DISC1: variants seen among roughly 807,000 people sequenced by gnomAD.
DISC1 encodes the protein disrupted in schizophrenia 1 protein.
A neutral mutation model predicts 84.5 loss-of-function variants in DISC1; 57 were observed. The ratio of observed to expected loss-of-function variants is 0.67; its 90% CI spans 0.55 to 0.84. The LOEUF is 0.84. Among genes scored for constraint, DISC1 ranks in the 40% least tolerant of loss-of-function variants. The pLI is 0.00. For synonymous variants in DISC1, 411 were observed against 415.2 expected, an observed-to-expected ratio of 0.99 and a Z score of 0.12; for missense variants, 1,000 against 1,057.8, an observed-to-expected ratio of 0.95 and a Z score of 0.76.
intron 1 of DISC1, among the ~76,000 whole-genome samples, chr1:231,691,800 C>G (rs1478142705): frequency 6.6e-6 from 1 of 152,188 alleles, no homozygotes; most frequent in Non-Finnish European, 1.5e-5. Context: ...CTGAGGGCCT[C>G]TCTCTGCCCC....
In DISC1 at chr1:231,833,897, T is replaced by A. The variant is rs571988579; in HGVS notation, c.1981+15380T>A. On this transcript the variant is annotated intron_variant, in intron 9 of 12. Coordinates refer to ENST00000439617, the MANE Select transcript of DISC1 (RefSeq NM_018662.3). The stretch of plus-strand genomic sequence containing the variant: ...GTGGGGTTTGAGGGCTGGAATTTAA[T>A]TTTTGGAGTTTTATTTAATGTCCAG... 1.8e-4 allele frequency among the ~76,000 whole-genome samples: 27 copies of A among 152,318 alleles called. No homozygotes were observed. The South Asian group carries it at 5.6e-3, about 32-fold the overall frequency.
intron 10 of DISC1, among the ~76,000 whole-genome samples, chr1:231,997,381 T>C (rs942822160): frequency 1.3e-5 from 2 of 152,188 alleles, no homozygotes; most frequent in African/African-American, 4.8e-5. Flanking sequence ...CAGAGCAATG[T>C]TGATGGATCT....
intron 6 of DISC1, among the ~76,000 whole-genome samples, chr1:231,789,669 C>A (rs573884320): frequency 6.6e-6 from 1 of 152,290 alleles, no homozygotes; most frequent in South Asian, 2.1e-4. Flanking sequence ...GCCTGGCTGT[C>A]TCCTCCTGTA....
Position 231,818,413 on chromosome 1 carries a change from G to A in DISC1, c.1877G>A (p.Ser626Asn), listed in dbSNP as rs774002534. The A allele has an allele frequency of 2.5e-6, 4 of 1,614,182 alleles. No individual in the cohort carries two copies. In the Admixed American group the frequency reaches 5.0e-5, roughly 20 times the overall value. The change falls in exon 9 of 13, where the codon AGC (serine) becomes AAC (asparagine). Residue 626 changes from serine (S) to asparagine (N), a missense_variant. Around this residue, in one of 3 missense-constraint regions of DISC1, gnomAD observed 397 missense variants for 377.5 expected, o/e 1.05. Coordinates refer to ENST00000439617, the MANE Select transcript of DISC1 (RefSeq NM_018662.3). ...AGAGAAGGGCTGGAGGGACTCCTCA[G>A]CAAGCTGTTGGTGTTGAGTTCCAGG... is the stretch of plus-strand genomic sequence containing the variant. ...SEREGLEGLL[S>N]KLLVLSSRNV...
At position 231,722,932 on chromosome 1, in the gene DISC1, A is replaced by G. The variant is rs565274623; in HGVS notation, c.1117+20908A>G. The G allele has an allele frequency of 2.4e-6, 3 of 1,254,612 alleles. No homozygotes were observed. In the African/African-American group the frequency reaches 4.5e-5, roughly 19 times the overall value. 77.7% of individuals were successfully genotyped at this position (1,254,612 alleles called of 1,614,324 possible). A position where few individuals can be genotyped will look rare whatever the true frequency, so the allele number is the denominator to read the frequency against. On this transcript the variant is annotated intron_variant, in intron 3 of 12. Coordinates refer to ENST00000439617, the MANE Select transcript of DISC1 (RefSeq NM_018662.3). ...TAGATTTTTGTAGGGGGGAGAAACC[A>G]CCCAAAAGCAAATGGAAAAATATGC...
chr1:231,862,214 C>T (rs1287161891), intron 9 of DISC1, among the ~76,000 whole-genome samples: 1 of 152,184 alleles, frequency 6.6e-6, no homozygotes, highest in Non-Finnish European at 1.5e-5. Context: ...ATACATGAGG[C>T]ATCTGAGACT....
chr1:231,922,970 C>T lies in DISC1; in HGVS notation c.1982-35858C>T, dbSNP rs199523191. Among the ~76,000 whole-genome samples the T allele has an allele frequency of 3.0e-3, 462 of 152,060 alleles. 1 individual carries two copies. Among genetic ancestry groups the T allele is most frequent in the Non-Finnish European group, 3.8e-3 (261 of 67,936 alleles). On this transcript the variant is annotated intron_variant, in intron 9 of 12. Transcript: ENST00000439617. Reference sequence around the variant, plus strand: ...AACAGCCAAAATGGTTTTAACATACCTATACTGATTCAAAAAAGAAGTCTG... The same window carrying T: ...AACAGCCAAAATGGTTTTAACATACTTATACTGATTCAAAAAAGAAGTCTG...
chr1:231,807,949 T>C (rs1049844472), intron 8 of DISC1, among the ~76,000 whole-genome samples: 1 of 152,266 alleles, frequency 6.6e-6, no homozygotes, highest in Non-Finnish European at 1.5e-5. Context: ...AATAATATGC[T>C]TGCTGGAATC....
intron 10 of DISC1, among the ~76,000 whole-genome samples, chr1:231,983,062 A>G (rs758928613): frequency 1.3e-5 from 2 of 152,172 alleles, no homozygotes; most frequent in Non-Finnish European, 1.5e-5. Context: ...TCCTGCCCCC[A>G]AGATAAGACC....
At chr1:231,872,647 G>T (rs2085550640) in intron 9 of DISC1, among the ~76,000 whole-genome samples, 1 of 151,200 alleles carries the variant, frequency 6.6e-6, no homozygotes. Context: ...TTGCCTTTGT[G>T]TCCCTCTTTC....
At chr1:231,982,443 A>C (rs1042285763) in intron 10 of DISC1, among the ~76,000 whole-genome samples, 44 of 151,404 alleles carry the variant, frequency 2.9e-4, no homozygotes, top group African/African-American at 1.0e-3. Flanking sequence ...ATTTACTTTT[A>C]CATTTAGCAA....
intron 9 of DISC1, among the ~76,000 whole-genome samples, chr1:231,911,510 C>A (rs1321504023): frequency 1.3e-5 from 2 of 152,202 alleles, no homozygotes; most frequent in Non-Finnish European, 2.9e-5. Flanking sequence ...GGCCCCCACT[C>A]TTCTGGCTTG....
At chr1:231,804,148 C>T (rs2079524175) in intron 8 of DISC1, among the ~76,000 whole-genome samples, 2 of 152,062 alleles carry the variant, frequency 1.3e-5, no homozygotes, top group Admixed American at 1.3e-4. Context: ...ATAACCACTG[C>T]AGTGTTACTT....
At chr1:231,702,655 A>C in intron 3 of DISC1, 4 of 970,816 alleles carry the variant, frequency 4.1e-6, no homozygotes, top group Non-Finnish European at 3.7e-6. Context: ...ACAAAAAAAC[A>C]AAAAAACCAA....
chr1:231,718,682 C>T (rs546592175), intron 3 of DISC1, among the ~76,000 whole-genome samples: 3 of 152,256 alleles, frequency 2.0e-5, no homozygotes, highest in African/African-American at 4.8e-5. Flanking sequence ...GTCATCTGCC[C>T]GCCTCGGCCT....
At position 231,675,887 on chromosome 1, in the gene DISC1, C is replaced by T. The variant is rs183541173; in HGVS notation, c.68-17939C>T. Among the ~76,000 whole-genome samples the T allele has an allele frequency of 5.5e-3, 817 of 147,546 alleles. 3 individuals are homozygous for T. Among genetic ancestry groups the T allele is most frequent in the South Asian group, 0.01 (49 of 4,698 alleles). ...TTTTTTGACACAGAATTCCCACTGTCGCCCAGGCTGGAATGCAATGATGTG... is the reference window on the plus strand; with the variant it reads ...TTTTTTGACACAGAATTCCCACTGTTGCCCAGGCTGGAATGCAATGATGTG... On this transcript the variant is annotated intron_variant, in intron 1 of 12. Coordinates refer to ENST00000439617, the MANE Select transcript of DISC1 (RefSeq NM_018662.3). The surrounding 1 kb of genome is among the most constrained non-coding windows in gnomAD (Gnocchi z 4.1).
rs183908024 is a variant in DISC1 at position 231,785,299 on chromosome 1, A to T, written c.1635-9943A>T. On this transcript the variant is annotated intron_variant, in intron 6 of 12. Coordinates refer to ENST00000439617, the MANE Select transcript of DISC1 (RefSeq NM_018662.3). ...TTTATTTATTTATTTATTTATTTAG[A>T]GACAAAGTCTTGCTTTGTCACCCAG... Among the ~76,000 whole-genome samples the T allele has an allele frequency of 3.0e-5, 4 of 134,120 alleles. No individual in the cohort carries two copies. The Admixed American group carries it at 3.0e-4, about 10-fold the overall frequency. 88.0% of individuals were successfully genotyped at this position (134,120 alleles called of 152,430 possible).
intron 4 of DISC1, among the ~76,000 whole-genome samples, chr1:231,751,655 A>C (rs1179487883): frequency 6.6e-6 from 1 of 152,182 alleles, no homozygotes; most frequent in Non-Finnish European, 1.5e-5. Context: ...GTCCATGACA[A>C]CCACATTCTA....
intron 1 of DISC1, among the ~76,000 whole-genome samples, chr1:231,677,431 G>A (rs889768938): frequency 3.3e-5 from 5 of 152,154 alleles, no homozygotes; most frequent in African/African-American, 9.7e-5. Flanking sequence ...AAATGTTATC[G>A]GAATAAAGGA....
Sources: gnomAD v4.1 joint callset for allele counts (sites outside exome capture counted in the v4.1 genomes callset) on GRCh38, gnomAD v4.1.1 for gene constraint, gnomAD v4.1.1 regional missense constraint, Gnocchi (gnomAD v3.1) non-coding constraint, MANE v1.5 for transcripts, NCBI Gene and HGNC (gene_info 2026-07-23, HGNC 2026-07-21) for gene names.